Variants in OLA1 observed in about 807,000 individuals in gnomAD.
The protein encoded by OLA1 is Obg like ATPase 1.
In OLA1, 14 loss-of-function variants were observed where a neutral mutation model predicts 48.4. The ratio of observed to expected loss-of-function variants is 0.29; its 90% CI spans 0.19 to 0.45. OLA1 has a LOEUF of 0.45. OLA1 is among the 20% of genes least tolerant of loss of function. OLA1 has a pLI of 1.00. For synonymous variants in OLA1, 127 were observed against 150.4 expected (o/e 0.84, Z 1.14); for missense variants, 325 against 467.1 (o/e 0.70, Z 2.80).
At chr2:174,112,596 G>A (rs1685678738) in intron 7 of OLA1, among the ~76,000 whole-genome samples, 1 of 152,178 alleles carries the variant, frequency 6.6e-6, no homozygotes, top group Non-Finnish European at 1.5e-5. Flanking sequence ...TAGGTCATGA[G>A]GGCTCACCCC....
rs569974270 is a variant in OLA1 at position 174,116,907 on chromosome 2, T to G, written c.728+6273A>C. 3.4e-3 allele frequency among the ~76,000 whole-genome samples: 512 copies of G among 152,266 alleles called. 2 individuals carry two copies. The highest frequency in any genetic ancestry group is 6.2e-3 in the Non-Finnish European group (424 of 68,016). On this transcript the variant is annotated intron_variant, in intron 7 of 10. Transcript: ENST00000284719. ...AAAAGGTTTTTAAAAGAATAAACAATTTTCTTTAAAAAATCATGCTACTGT... is the reference window on the plus strand; with the variant it reads ...AAAAGGTTTTTAAAAGAATAAACAAGTTTCTTTAAAAAATCATGCTACTGT...
intron 4 of OLA1, among the ~76,000 whole-genome samples, chr2:174,219,907 A>C (rs112900684): frequency 0.055 from 8,353 of 152,164 alleles, 282 homozygotes; most frequent in South Asian, 0.11. Context: ...TGAGGTGGGC[A>C]TATCACTTGA....
chr2:174,144,943 A>T lies in OLA1; in HGVS notation c.374-2943T>A, dbSNP rs1258648878. ...TAAGACCCTGTTTAAAAAAAAAAAA[A>T]AAAAAAAAATATATATATATATATA... is the stretch of plus-strand genomic sequence containing the variant. On this transcript the variant is annotated intron_variant, in intron 4 of 10. Coordinates refer to ENST00000284719, the MANE Select transcript of OLA1 (RefSeq NM_013341.5). Among the ~76,000 whole-genome samples, 500 of 69,522 alleles carry T rather than the reference A, an allele frequency of 7.2e-3. 3 individuals carry two copies. The highest frequency in any genetic ancestry group is 0.019 in the South Asian group (24 of 1,242). 45.6% of individuals were successfully genotyped at this position (69,522 alleles called of 152,430 possible). A position where few individuals can be genotyped will look rare whatever the true frequency, so the allele number is the denominator to read the frequency against.
chr2:174,101,926 A>G (rs1378139305), intron 7 of OLA1, among the ~76,000 whole-genome samples: 1 of 152,238 alleles, frequency 6.6e-6, no homozygotes, highest in African/African-American at 2.4e-5. Flanking sequence ...ACTAACAAAG[A>G]CAGGAAAGTC....
chr2:174,148,401 A>G (rs1686663614), intron 4 of OLA1, among the ~76,000 whole-genome samples: 1 of 152,210 alleles, frequency 6.6e-6, no homozygotes, highest in African/African-American at 2.4e-5. Context: ...AATAAACAAA[A>G]CAAAACAAAA....
chr2:174,089,858 T>C (rs1406556354), intron 7 of OLA1, among the ~76,000 whole-genome samples: 1 of 147,482 alleles, frequency 6.8e-6, no homozygotes, highest in Admixed American at 6.8e-5. Context: ...GTCGAGATCA[T>C]GCTACCGCAC....
At chr2:174,185,682 C>T (rs953235246) in intron 4 of OLA1, among the ~76,000 whole-genome samples, 1 of 152,162 alleles carries the variant, frequency 6.6e-6, no homozygotes, top group African/African-American at 2.4e-5. Flanking sequence ...AATCCCAGCA[C>T]ATTGGGAGGC....
intron 7 of OLA1, among the ~76,000 whole-genome samples, chr2:174,103,406 T>C (rs1685442374): frequency 1.3e-5 from 2 of 152,342 alleles, no homozygotes; most frequent in South Asian, 2.1e-4. Flanking sequence ...CTATTGTCTA[T>C]GGCTGCTTTT....
At chr2:174,090,288 T>C (rs1241227637) in intron 7 of OLA1, among the ~76,000 whole-genome samples, 2 of 152,352 alleles carry the variant, frequency 1.3e-5, no homozygotes, top group Middle Eastern at 3.4e-3. Flanking sequence ...ACTGGAAGGC[T>C]ACCACAAAAT....
chr2:174,207,385 A>G lies in OLA1; in HGVS notation c.373+15648T>C, dbSNP rs568241896. On this transcript the variant is annotated intron_variant, in intron 4 of 10. Transcript: ENST00000284719. ...AACAGATACAGAGGAACAGTGATAT[A>G]AAACAGAATGAAGTCACATCTGTCA... 5.9e-5 allele frequency among the ~76,000 whole-genome samples: 9 copies of G among 152,336 alleles called. No homozygotes were observed. The South Asian group carries it at 1.9e-3, about 32-fold the overall frequency.
intron 4 of OLA1, among the ~76,000 whole-genome samples, chr2:174,217,477 C>A (rs1046079324): frequency 6.6e-6 from 1 of 152,068 alleles, no homozygotes; most frequent in Admixed American, 6.6e-5. Context: ...AAGCAAAGCT[C>A]CCCTAAAAGG....
chr2:174,074,899 T>C lies in OLA1; in HGVS notation c.*527A>G, dbSNP rs1684688996. ...GCAGCTGCCCCACACTGCCAGTTAC[T>C]GTGTCATACACACGCCTTAAAATTC... On this transcript the variant is annotated 3_prime_UTR_variant, in exon 11 of 11. Coordinates refer to ENST00000284719, the MANE Select transcript of OLA1 (RefSeq NM_013341.5). The C allele has an allele frequency of 1.3e-5, 2 of 152,880 alleles. No homozygotes were observed. The highest frequency in any genetic ancestry group is 2.4e-5 in the African/African-American group (1 of 41,448). The allele number at this position is 152,880 out of a possible 1,614,324, so 9.5% of individuals were successfully genotyped here. A position where few individuals can be genotyped will look rare whatever the true frequency, so the allele number is the denominator to read the frequency against.
chr2:174,144,904 G>A (rs1357983821), intron 4 of OLA1, among the ~76,000 whole-genome samples: 1 of 129,130 alleles, frequency 7.7e-6, no homozygotes, highest in Non-Finnish European at 1.6e-5. Flanking sequence ...CTGTGATCAC[G>A]CTGGGCGACA....
chr2:174,164,772 T>C (rs1016442845), intron 4 of OLA1, among the ~76,000 whole-genome samples: 9 of 152,176 alleles, frequency 5.9e-5, no homozygotes, highest in Non-Finnish European at 2.9e-5. Flanking sequence ...TGCTTAGGAA[T>C]TTACGTAACT....
chr2:174,085,565 C>T (rs1684953041), intron 7 of OLA1, among the ~76,000 whole-genome samples: 2 of 152,178 alleles, frequency 1.3e-5, no homozygotes, highest in Admixed American at 1.3e-4. Context: ...TCGGGGACCG[C>T]TTGTCTACAG....
intron 5 of OLA1, among the ~76,000 whole-genome samples, chr2:174,133,754 TC>T (rs770273624): frequency 2.0e-4 from 31 of 152,180 alleles, no homozygotes; most frequent in Admixed American, 6.5e-4. Flanking sequence ...TCAAATCCAA[TC>T]TGACATTCTT....
intron 7 of OLA1, among the ~76,000 whole-genome samples, chr2:174,087,400 C>T (rs1338613825): frequency 1.3e-5 from 2 of 151,924 alleles, no homozygotes; most frequent in African/African-American, 2.4e-5. Flanking sequence ...GGTGTTTCTA[C>T]GTATTAGGAA....
chr2:174,099,797 TA>T (rs1479560171), intron 7 of OLA1, among the ~76,000 whole-genome samples: 2 of 152,214 alleles, frequency 1.3e-5, no homozygotes, highest in African/African-American at 2.4e-5. Context: ...ATAATAATCA[TA>T]AATGAGAAAT....
intron 5 of OLA1, among the ~76,000 whole-genome samples, chr2:174,137,912 A>G (rs1263012455): frequency 6.6e-6 from 1 of 152,240 alleles, no homozygotes; most frequent in East Asian, 1.9e-4. Context: ...CTATAATCCC[A>G]GCTACTTGGG....
Sources: gnomAD v4.1 joint callset for allele counts (sites outside exome capture counted in the v4.1 genomes callset) on GRCh38, gnomAD v4.1.1 for gene constraint, MANE v1.5 for transcripts, NCBI Gene and HGNC (gene_info 2026-07-23, HGNC 2026-07-21) for gene names.